SLC35F1: variants seen among roughly 807,000 people sequenced by gnomAD.
The protein encoded by SLC35F1 is solute carrier family 35 member F1.
SLC35F1 carries 14 observed loss-of-function variants against 48.7 expected under a neutral mutation model. The ratio of observed to expected loss-of-function variants is 0.29; its 90% CI spans 0.19 to 0.45. The LOEUF (loss-of-function observed/expected upper bound fraction) is 0.45, where lower values mean the gene tolerates loss of function less well. Among genes scored for constraint, SLC35F1 ranks in the 20% least tolerant of loss-of-function variants. SLC35F1 has a pLI of 1.00. For missense variants in SLC35F1, 404 were observed against 500.0 expected (o/e 0.81, Z 1.83); for synonymous variants, 190 against 202.2 (o/e 0.94, Z 0.51).
At chr6:118,041,957 G>T (rs147873569) in intron 1 of SLC35F1, among the ~76,000 whole-genome samples, 1 of 147,694 alleles carries the variant, frequency 6.8e-6, no homozygotes, top group Non-Finnish European at 1.5e-5. Flanking sequence ...AAAAAAAAAA[G>T]CATCATCTGT....
At chr6:117,978,286 T>TC (rs942512067) in intron 1 of SLC35F1, among the ~76,000 whole-genome samples, 7 of 151,458 alleles carry the variant, frequency 4.6e-5, no homozygotes, top group African/African-American at 1.2e-4. Flanking sequence ...CTCTTCCCCC[T>TC]CCCCTGGCCC....
At chr6:117,970,034 A>G (rs1776619122) in intron 1 of SLC35F1, among the ~76,000 whole-genome samples, 1 of 152,224 alleles carries the variant, frequency 6.6e-6, no homozygotes, top group Non-Finnish European at 1.5e-5. Flanking sequence ...TTGTAAGGAC[A>G]AAGGTGTCTG....
At chr6:117,910,842 G>A (rs1219528604) in intron 1 of SLC35F1, among the ~76,000 whole-genome samples, 2 of 152,174 alleles carry the variant, frequency 1.3e-5, no homozygotes, top group Non-Finnish European at 2.9e-5. Context: ...ACAACCCAGA[G>A]GAAGAACTGC....
At chr6:118,189,328 A>G (rs549664373) in intron 2 of SLC35F1, among the ~76,000 whole-genome samples, 2 of 152,194 alleles carry the variant, frequency 1.3e-5, no homozygotes, top group Non-Finnish European at 2.9e-5. Context: ...GTAATATCAC[A>G]CTGTAGTTTG....
At chr6:117,960,707 T>A (rs2114834876) in intron 1 of SLC35F1, among the ~76,000 whole-genome samples, 1 of 152,170 alleles carries the variant, frequency 6.6e-6, no homozygotes, top group East Asian at 1.9e-4. Context: ...AAGTTGTGTA[T>A]CAAGTGATGC....
intron 3 of SLC35F1, among the ~76,000 whole-genome samples, chr6:118,258,403 T>A (rs1328319265): frequency 6.6e-6 from 1 of 152,078 alleles, no homozygotes; most frequent in Non-Finnish European, 1.5e-5. Context: ...AAAATTTCAT[T>A]TGAAACTCCA....
chr6:117,994,992 TC>T (rs1776966704), intron 1 of SLC35F1, among the ~76,000 whole-genome samples: 1 of 152,222 alleles, frequency 6.6e-6, no homozygotes, highest in Non-Finnish European at 1.5e-5. Context: ...ATATCAGCAC[TC>T]CTTGAATTAC....
intron 4 of SLC35F1, among the ~76,000 whole-genome samples, chr6:118,271,586 T>C (rs1012246865): frequency 6.6e-6 from 1 of 152,180 alleles, no homozygotes; most frequent in Non-Finnish European, 1.5e-5. Context: ...TAGAATAATA[T>C]AACTCACCAT....
intron 1 of SLC35F1, among the ~76,000 whole-genome samples, chr6:117,964,595 A>T (rs1203899361): frequency 6.6e-6 from 1 of 152,178 alleles, no homozygotes; most frequent in Non-Finnish European, 1.5e-5. Flanking sequence ...ACTGATAGTG[A>T]CTAGTCACTG....
intron 7 of SLC35F1, among the ~76,000 whole-genome samples, chr6:118,304,446 A>G (rs1171434104): frequency 5.3e-5 from 8 of 152,086 alleles, no homozygotes; most frequent in Admixed American, 5.2e-4. Context: ...AACAGGTCCA[A>G]ACATGGAGTC....
At chr6:118,078,062 T>C (rs1017038616) in intron 1 of SLC35F1, among the ~76,000 whole-genome samples, 13 of 152,316 alleles carry the variant, frequency 8.5e-5, no homozygotes, top group Admixed American at 2.6e-4. Flanking sequence ...TGGAACCTTT[T>C]TTTTTAATGG....
At chr6:118,114,441 A>G (rs1430611439) in intron 1 of SLC35F1, among the ~76,000 whole-genome samples, 1 of 152,080 alleles carries the variant, frequency 6.6e-6, no homozygotes, top group Non-Finnish European at 1.5e-5. Context: ...CTCTTCTTCT[A>G]GTGGCTCAAA....
chr6:117,925,797 G>T (rs1213497559), intron 1 of SLC35F1, among the ~76,000 whole-genome samples: 1 of 152,034 alleles, frequency 6.6e-6, no homozygotes, highest in Non-Finnish European at 1.5e-5. Flanking sequence ...TCTATGGTAG[G>T]TGTCATCCAT....
intron 3 of SLC35F1, among the ~76,000 whole-genome samples, chr6:118,240,334 A>C (rs1775420895): frequency 6.6e-6 from 1 of 152,240 alleles, no homozygotes. Context: ...TTGGATAAAA[A>C]GTGGAGAGGA....
At chr6:118,107,226 A>G (rs1582669624) in intron 1 of SLC35F1, among the ~76,000 whole-genome samples, 1 of 152,316 alleles carries the variant, frequency 6.6e-6, no homozygotes, top group East Asian at 1.9e-4. Flanking sequence ...AAATGTTTAA[A>G]GCTGCTTAAG....
intron 3 of SLC35F1, among the ~76,000 whole-genome samples, chr6:118,244,996 G>T (rs762631337): frequency 6.6e-6 from 1 of 152,180 alleles, no homozygotes; most frequent in Non-Finnish European, 1.5e-5. Flanking sequence ...ACAGGACACA[G>T]GTATGGAACA....
chr6:118,104,038 C>A (rs1773295791), intron 1 of SLC35F1, among the ~76,000 whole-genome samples: 1 of 152,136 alleles, frequency 6.6e-6, no homozygotes, highest in Admixed American at 6.5e-5. Context: ...AAATAGCAAG[C>A]ACATGCATGC....
At chr6:118,034,324 G>A (rs536270712) in intron 1 of SLC35F1, among the ~76,000 whole-genome samples, 1 of 152,250 alleles carries the variant, frequency 6.6e-6, no homozygotes, top group East Asian at 1.9e-4. Context: ...TTGGGAGGCT[G>A]AGGCAGGCAG....
intron 7 of SLC35F1, among the ~76,000 whole-genome samples, chr6:118,286,080 G>C (rs929481551): frequency 7.9e-5 from 12 of 152,272 alleles, no homozygotes; most frequent in Middle Eastern, 3.4e-3. Flanking sequence ...CATATGAGAA[G>C]ATACCACTTG....
Sources: gnomAD v4.1 joint callset for allele counts (sites outside exome capture counted in the v4.1 genomes callset) on GRCh38, gnomAD v4.1.1 for gene constraint, MANE v1.5 for transcripts, NCBI Gene and HGNC (gene_info 2026-07-23, HGNC 2026-07-21) for gene names.